The following CACNA2D1 variants were observed in gnomAD, a reference collection of about 807,000 sequenced individuals.
The protein encoded by CACNA2D1 is calcium voltage-gated channel auxiliary subunit alpha2delta 1.
Under a neutral mutation model 171.5 loss-of-function variants are expected in CACNA2D1, and 53 were observed. That is an observed-to-expected ratio of 0.31 (90% CI 0.25 to 0.39). The LOEUF (loss-of-function observed/expected upper bound fraction) is 0.39, where lower values mean the gene tolerates loss of function less well. Ranked by LOEUF, CACNA2D1 falls within the 10% of genes least tolerant of loss-of-function variation. CACNA2D1 has a pLI of 1.00. For synonymous variants in CACNA2D1, 442 were observed against 443.1 expected (o/e 1.00, Z 0.03); for missense variants, 903 against 1,299.8 (o/e 0.69, Z 4.69).
chr7:82,265,673 A>C (rs895452690), intron 3 of CACNA2D1, among the ~76,000 whole-genome samples: 14 of 152,002 alleles, frequency 9.2e-5, no homozygotes, highest in African/African-American at 3.1e-4. Context: ...TTTATACAGA[A>C]GTATTATTTA....
At chr7:82,349,707 G>C in intron 1 of CACNA2D1, 58 bp from the exon 2 acceptor site, 1 of 1,304,232 alleles carries the variant, frequency 7.7e-7, no homozygotes. Flanking sequence ...AAAGTCACAT[G>C]CTGATATTTT....
In CACNA2D1 at chr7:82,410,551, G is replaced by A. The variant is rs1827532441; in HGVS notation, c.95+32814C>T. ...GGTGCACGCTACATCAGGGGTGGCT[G>A]ATGCCAGGTGGCTGGCTTGCGACAC... On this transcript the variant is annotated intron_variant, in intron 1 of 38. Transcript: ENST00000356860. The A allele has an allele frequency of 5.1e-6, 5 of 985,002 alleles. No homozygotes were observed. In the South Asian group the frequency reaches 1.9e-4, roughly 37 times the overall value. 61.0% of individuals were successfully genotyped at this position (985,002 alleles called of 1,614,324 possible).
chr7:82,119,119 T>C (rs1464009485), intron 5 of CACNA2D1, among the ~76,000 whole-genome samples: 1 of 152,136 alleles, frequency 6.6e-6, no homozygotes, highest in East Asian at 1.9e-4. Flanking sequence ...ATTAACTATT[T>C]CAAATAAATT....
intron 7 of CACNA2D1, among the ~76,000 whole-genome samples, chr7:82,070,097 T>G (rs1808142006): frequency 6.6e-6 from 1 of 152,138 alleles, no homozygotes; most frequent in South Asian, 2.1e-4. Flanking sequence ...GCTCACAAAA[T>G]TTCCATAAAT....
intron 6 of CACNA2D1, among the ~76,000 whole-genome samples, chr7:82,100,533 C>T (rs1305701100): frequency 6.6e-6 from 1 of 152,026 alleles, no homozygotes; most frequent in Non-Finnish European, 1.5e-5. Context: ...TCAATTTGTT[C>T]AGAATAAGTT....
chr7:82,280,378 G>A (rs752454966), intron 3 of CACNA2D1, among the ~76,000 whole-genome samples: 17 of 152,078 alleles, frequency 1.1e-4, no homozygotes, highest in Non-Finnish European at 1.6e-4. Flanking sequence ...GACAAAACAC[G>A]AGGCTCAAGT....
intron 12 of CACNA2D1, among the ~76,000 whole-genome samples, chr7:82,031,399 A>G (rs1802682720): frequency 1.3e-5 from 2 of 152,076 alleles, no homozygotes; most frequent in South Asian, 4.1e-4. Context: ...TTTGAAAGAA[A>G]TATTCGTAGA....
intron 6 of CACNA2D1, among the ~76,000 whole-genome samples, chr7:82,108,104 A>G (rs1787960822): frequency 6.6e-6 from 1 of 152,338 alleles, no homozygotes; most frequent in African/African-American, 2.4e-5. Context: ...TATAAATGGT[A>G]TCAAATTTAG....
At chr7:82,306,897 C>T (rs1813811000) in intron 3 of CACNA2D1, among the ~76,000 whole-genome samples, 1 of 151,068 alleles carries the variant, frequency 6.6e-6, no homozygotes, top group African/African-American at 2.4e-5. Flanking sequence ...AAAAAAATAG[C>T]CTTAAAATCT....
At chr7:82,185,933 G>C (rs1224538055) in intron 3 of CACNA2D1, among the ~76,000 whole-genome samples, 3 of 151,962 alleles carry the variant, frequency 2.0e-5, no homozygotes, top group Non-Finnish European at 4.4e-5. Flanking sequence ...TAGGCAGGCG[G>C]ATCACCTGAG....
At chr7:81,965,940 T>C (rs1351164352) in intron 31 of CACNA2D1, among the ~76,000 whole-genome samples, 2 of 151,692 alleles carry the variant, frequency 1.3e-5, no homozygotes, top group Non-Finnish European at 1.5e-5. Context: ...ATAATCTTTT[T>C]ACCATTTCCG....
At chr7:82,163,723 C>T (rs558144671) in intron 4 of CACNA2D1, among the ~76,000 whole-genome samples, 1 of 152,006 alleles carries the variant, frequency 6.6e-6, no homozygotes, top group Non-Finnish European at 1.5e-5. Flanking sequence ...AAAGACTTCA[C>T]ACTTTGGGAT....
intron 3 of CACNA2D1, among the ~76,000 whole-genome samples, chr7:82,255,999 G>A (rs982213721): frequency 6.7e-6 from 1 of 149,792 alleles, no homozygotes; most frequent in African/African-American, 2.6e-5. Flanking sequence ...CTATCAGGCC[G>A]GGTGCAGTGG....
chr7:81,950,602 T>C, intron 38 of CACNA2D1, 94 bp from the exon 39 acceptor site: 1 of 1,489,820 alleles, frequency 6.7e-7, no homozygotes, highest in South Asian at 1.3e-5. Flanking sequence ...AATCCATATT[T>C]AGTTCACTTT....
intron 2 of CACNA2D1, among the ~76,000 whole-genome samples, chr7:82,337,404 T>G (rs1016516747): frequency 6.6e-6 from 1 of 152,180 alleles, no homozygotes; most frequent in Non-Finnish European, 1.5e-5. Context: ...TCCTGATATA[T>G]GTTTAGTAAA....
At chr7:82,279,348 T>C (rs1346536830) in intron 3 of CACNA2D1, among the ~76,000 whole-genome samples, 1 of 152,174 alleles carries the variant, frequency 6.6e-6, no homozygotes, top group Admixed American at 6.5e-5. Context: ...CTGAAGTTAT[T>C]ACAAGTGGTA....
chr7:82,013,392 GC>G, intron 14 of CACNA2D1, 68 bp downstream of exon 14: 2 of 599,228 alleles, frequency 3.3e-6, no homozygotes, highest in African/African-American at 2.0e-5. Flanking sequence ...TCCATATTGA[GC>G]ATATTTAAAC....
At chr7:82,274,482 T>G (rs918236523) in intron 3 of CACNA2D1, among the ~76,000 whole-genome samples, 162 of 152,222 alleles carry the variant, frequency 1.1e-3, no homozygotes, top group African/African-American at 3.8e-3. Flanking sequence ...AGTCCTAGAG[T>G]GAATGCTTCA....
At chr7:82,150,689 G>A (rs1793766806) in intron 4 of CACNA2D1, among the ~76,000 whole-genome samples, 1 of 152,020 alleles carries the variant, frequency 6.6e-6, no homozygotes, top group African/African-American at 2.4e-5. Context: ...ACCTGCTACA[G>A]ATCAATTGCT....
Sources: gnomAD v4.1 joint callset for allele counts (sites outside exome capture counted in the v4.1 genomes callset) on GRCh38, gnomAD v4.1.1 for gene constraint, MANE v1.5 for transcripts, NCBI Gene and HGNC (gene_info 2026-07-23, HGNC 2026-07-21) for gene names.